The following GNG7 variants were observed in gnomAD, a reference collection of about 807,000 sequenced individuals.
GNG7 encodes G protein subunit gamma 7, also known as guanine nucleotide-binding protein G(I)/G(S)/G(O) subunit gamma-7.
In GNG7, 1 loss-of-function variant was observed where a neutral mutation model predicts 4.0. The observed-to-expected ratio is 0.25, with a 90% CI of 0.09 to 1.18. The LOEUF (loss-of-function observed/expected upper bound fraction) is 1.18. Ranked by LOEUF, GNG7 falls within the 50% of genes most tolerant of loss-of-function variation. GNG7 has a pLI of 0.50. For synonymous variants in GNG7, 34 were observed against 36.9 expected (o/e 0.92, Z 0.29); for missense variants, 86 against 91.9 (o/e 0.94, Z 0.26).
At chr19:2,524,329 CTG>C (rs139354674) in intron 3 of GNG7, among the ~76,000 whole-genome samples, 4 of 152,120 alleles carry the variant, frequency 2.6e-5, no homozygotes, top group South Asian at 2.1e-4. Flanking sequence ...GAGGACTGCG[CTG>C]TGTGTGTGTG....
At chr19:2,518,345 C>A (rs1273639616) in intron 4 of GNG7, among the ~76,000 whole-genome samples, 1 of 152,150 alleles carries the variant, frequency 6.6e-6, no homozygotes, top group Non-Finnish European at 1.5e-5. Context: ...GGGCTGGCAC[C>A]CACTCGTAAA....
chr19:2,562,365 C>T (rs181203740), intron 2 of GNG7, among the ~76,000 whole-genome samples: 4,195 of 151,750 alleles, frequency 0.028, 83 homozygotes, highest in Non-Finnish European at 0.041. Context: ...CTCACTGCAA[C>T]CTCCGCCTCC....
chr19:2,530,512 G>C, intron 3 of GNG7, among the ~76,000 whole-genome samples: 1 of 151,564 alleles, frequency 6.6e-6, no homozygotes, highest in East Asian at 1.9e-4. Context: ...CTTGAAGTCG[G>C]GAGTTTGAGA....
In GNG7 at chr19:2,602,867, C is replaced by A. The variant is rs139062103; in HGVS notation, c.-78+43357G>T. On this transcript the variant is annotated intron_variant, in intron 2 of 4. Transcript: ENST00000382159. ...CTGCAAGGAAAGATGCGCTACCCAC[C>A]CTTTTCTCTCTTTCTCTTTCTTTTT... is the stretch of plus-strand genomic sequence containing the variant. 3.1e-3 allele frequency among the ~76,000 whole-genome samples: 474 copies of A among 151,812 alleles called. 3 individuals are homozygous for A. The highest frequency in any genetic ancestry group is 0.014 in the Middle Eastern group (4 of 294).
intron 3 of GNG7, among the ~76,000 whole-genome samples, chr19:2,528,851 A>G (rs1978497261): frequency 6.6e-6 from 1 of 152,212 alleles, no homozygotes; most frequent in South Asian, 2.1e-4. Flanking sequence ...GGGGTTCCAG[A>G]GTCTGGCAGG....
intron 3 of GNG7, among the ~76,000 whole-genome samples, chr19:2,535,350 A>G (rs974285904): frequency 2.2e-4 from 34 of 151,468 alleles, no homozygotes; most frequent in Admixed American, 3.9e-4. Context: ...AATACAAAAA[A>G]CTAGTTGGGT....
intron 2 of GNG7, chr19:2,631,975 G>A (rs1244382750): frequency 6.6e-6 from 1 of 152,252 alleles, no homozygotes; most frequent in Non-Finnish European, 1.5e-5. Flanking sequence ...CATTTTCAGG[G>A]CGTCTCCCCA....
chr19:2,615,017 G>A (rs1340430312), intron 2 of GNG7, among the ~76,000 whole-genome samples: 2 of 152,208 alleles, frequency 1.3e-5, no homozygotes, highest in South Asian at 2.1e-4. Flanking sequence ...ACTTGCAGCT[G>A]TGATTTGTGC....
intron 2 of GNG7, among the ~76,000 whole-genome samples, chr19:2,603,091 A>C (rs1227852370): frequency 1.5e-5 from 2 of 129,314 alleles, no homozygotes; most frequent in African/African-American, 5.9e-5. Flanking sequence ...TTTTTGATGG[A>C]GTTTCGCTCT....
intron 1 of GNG7, among the ~76,000 whole-genome samples, chr19:2,659,204 C>A (rs186616989): frequency 5.9e-5 from 9 of 151,788 alleles, no homozygotes; most frequent in Admixed American, 2.0e-4. Flanking sequence ...CTCCTGACCT[C>A]GTGATCCGCC....
chr19:2,698,849 GT>G lies in GNG7; in HGVS notation c.-135+3796del, dbSNP rs111864459. ...TTGTCTACACGTGAGGGTAATTTGT[GT>G]TTAGTTCTCTTTGCCTTCAAACAGT... On this transcript the variant is annotated intron_variant, in intron 1 of 4. Coordinates refer to ENST00000382159, the MANE Select transcript of GNG7 (RefSeq NM_052847.3). Among the ~76,000 whole-genome samples, 684 of 152,266 alleles carry G rather than the reference GT, an allele frequency of 4.5e-3. 7 individuals carry two copies. Among genetic ancestry groups the G allele is most frequent in the African/African-American group, 0.016 (657 of 41,542 alleles).
intron 2 of GNG7, among the ~76,000 whole-genome samples, chr19:2,616,996 C>T (rs905593802): frequency 6.6e-6 from 1 of 152,224 alleles, no homozygotes; most frequent in African/African-American, 2.4e-5. Context: ...TCAGAAGGTT[C>T]TGGCATGAAA....
At chr19:2,684,717 A>G (rs1200363921) in intron 1 of GNG7, among the ~76,000 whole-genome samples, 2 of 151,910 alleles carry the variant, frequency 1.3e-5, no homozygotes, top group African/African-American at 4.8e-5. Flanking sequence ...GGCCGGGCAC[A>G]GTGGCTCATG....
chr19:2,512,735 T>G lies in GNG7; in HGVS notation c.*2287A>C. On this transcript the variant is annotated 3_prime_UTR_variant, in exon 5 of 5. Transcript: ENST00000382159. The surrounding 1 kb of genome is among the most constrained non-coding windows in gnomAD (Gnocchi z 4.7). ...TGCCCTGGCAGCGGGGGCTCGGGGA[T>G]TAAGGCCTCTTTTAAGGAAAAACGG... is the stretch of plus-strand genomic sequence containing the variant. 11 of 237,774 alleles carry G rather than the reference T, an allele frequency of 4.6e-5. No individual in the cohort carries two copies. Among genetic ancestry groups the G allele is most frequent in the Non-Finnish European group, 7.5e-5 (11 of 146,466 alleles). The allele number at this position is 237,774 out of a possible 1,614,324, so 14.7% of individuals were successfully genotyped here.
intron 2 of GNG7, among the ~76,000 whole-genome samples, chr19:2,608,883 C>A (rs148203841): frequency 6.6e-6 from 1 of 152,174 alleles, no homozygotes; most frequent in Non-Finnish European, 1.5e-5. Context: ...CCTTCTGACC[C>A]GCTTTTTAAA....
intron 2 of GNG7, among the ~76,000 whole-genome samples, chr19:2,575,948 G>A (rs1407142523): frequency 1.7e-5 from 2 of 118,314 alleles, no homozygotes; most frequent in Admixed American, 1.5e-4. Flanking sequence ...GACACACAAA[G>A]GCAGACACAT....
chr19:2,582,156 G>A (rs10424034), intron 2 of GNG7, among the ~76,000 whole-genome samples: 56,582 of 151,990 alleles, frequency 0.37, 12,231 homozygotes, highest in African/African-American at 0.58. Flanking sequence ...ACAAAAGCAC[G>A]TGGAAATGGA....
rs182097491 is a variant in GNG7, at chr19:2,681,563, C to T, written c.-135+21083G>A. Among the ~76,000 whole-genome samples, 335 of 152,308 alleles carry T rather than the reference C, an allele frequency of 2.2e-3. 2 individuals are homozygous for T. The highest frequency in any genetic ancestry group is 0.017 in the Middle Eastern group (5 of 294). The stretch of plus-strand genomic sequence containing the variant: ...GGATCACTAGCATTAGCCACATCAC[C>T]GGGCCAGATCCTTCTTGCGCAGTGT... On this transcript the variant is annotated intron_variant, in intron 1 of 4. Transcript: ENST00000382159.
chr19:2,695,753 G>T (rs1439019826), intron 1 of GNG7, among the ~76,000 whole-genome samples: 1 of 152,166 alleles, frequency 6.6e-6, no homozygotes, highest in East Asian at 1.9e-4. Context: ...AAGCTTACTA[G>T]GAAGGTCCTG....
Sources: allele counts gnomAD v4.1 joint callset (sites outside exome capture counted in the v4.1 genomes callset), GRCh38; gene constraint gnomAD v4.1.1; non-coding constraint Gnocchi (gnomAD v3.1); transcripts MANE v1.5; gene names NCBI Gene and HGNC (gene_info 2026-07-23, HGNC 2026-07-21).